Variants in ALDH5A1 observed in about 807,000 individuals in gnomAD.
ALDH5A1 encodes aldehyde dehydrogenase 5 family member A1, also known as succinate-semialdehyde dehydrogenase, mitochondrial.
A neutral mutation model predicts 54.7 loss-of-function variants in ALDH5A1; 33 were observed. The ratio of observed to expected loss-of-function variants is 0.60; its 90% CI spans 0.46 to 0.81. The LOEUF (loss-of-function observed/expected upper bound fraction) is 0.81. Ranked by LOEUF, ALDH5A1 falls within the 30% of genes least tolerant of loss-of-function variation. The pLI, the probability that ALDH5A1 is intolerant of heterozygous loss-of-function variation, is 0.00. For missense variants in ALDH5A1, 657 were observed against 711.0 expected (o/e 0.92, Z 0.86); for synonymous variants, 294 against 292.7 (o/e 1.00, Z -0.05).
chr6:24,503,436 A>C lies in ALDH5A1; in HGVS notation c.609+3A>C. 6.2e-7 allele frequency: 1 copy of C among 1,611,538 alleles called. No individual in the cohort carries two copies. Among genetic ancestry groups the C allele is most frequent in the South Asian group, 1.1e-5 (1 of 91,074 alleles). On this transcript the variant is annotated splice_donor_region_variant and intron_variant, in intron 3 of 9. Transcript: ENST00000357578. The stretch of plus-strand genomic sequence containing the variant: ...GCGTGGCTGCAGTCATCACCCCGGT[A>C]GGTGACAGGATCAGCAAGATCCTAG...
At chr6:24,496,524 G>A (rs1292389653) in intron 1 of ALDH5A1, among the ~76,000 whole-genome samples, 5 of 152,174 alleles carry the variant, frequency 3.3e-5, no homozygotes, top group Non-Finnish European at 5.9e-5. Flanking sequence ...CCGCTCTGGA[G>A]GGTAGAAATC....
At position 24,522,846 on chromosome 6, in the gene ALDH5A1, A is replaced by G. The variant is rs1324496770; in HGVS notation, c.1094A>G (p.Lys365Arg). Reference sequence around the variant, plus strand: ...GTAAAAGCATTCGCCGAGGCCATGAAGAAGAACCTGCGCGTAGGTAATGGA... The same window carrying G: ...GTAAAAGCATTCGCCGAGGCCATGAGGAAGAACCTGCGCGTAGGTAATGGA... ...AFVKAFAEAM[K>R]KNLRVGNGFE... The change falls in exon 7 of 10, where the codon AAG becomes AGG. Residue 365 changes from lysine (K) to arginine (R), a missense_variant. Lys to Arg is a conservative substitution (Grantham distance 26). This residue lies in a region of ALDH5A1 where 425 missense variants were observed against 516.4 expected (regional missense o/e 0.82). Coordinates refer to ENST00000357578, the MANE Select transcript of ALDH5A1 (RefSeq NM_001080.3). 4 of 1,614,062 alleles carry G rather than the reference A, an allele frequency of 2.5e-6. No individual in the cohort carries two copies. Among genetic ancestry groups the G allele is most frequent in the Admixed American group, 3.3e-5 (2 of 60,000 alleles).
intron 7 of ALDH5A1, among the ~76,000 whole-genome samples, chr6:24,526,582 G>A (rs1759800255): frequency 6.6e-6 from 1 of 151,768 alleles, no homozygotes; most frequent in South Asian, 2.1e-4. Context: ...AGATCTTATG[G>A]AGTTTAAAGC....
Position 24,504,918 on chromosome 6 carries a change from C to A in ALDH5A1, c.659C>A (p.Ala220Glu). The change falls in exon 4 of 10, where the codon GCA becomes GAA. Residue 220 changes from alanine (A) to glutamate (E), a missense_variant. Physicochemically the swap from Ala to Glu is moderately radical, Grantham distance 107. Around this residue, in one of 2 missense-constraint regions of ALDH5A1, gnomAD observed 425 missense variants for 516.4 expected, o/e 0.82. Transcript: ENST00000357578. ...ACCCGGAAGGTGGGGGCCGCCCTGGCAGCCGGCTGTACTGTCGTGGTGAAG... is the reference window on the plus strand; with the variant it reads ...ACCCGGAAGGTGGGGGCCGCCCTGGAAGCCGGCTGTACTGTCGTGGTGAAG... ...MITRKVGAAL[A>E]AGCTVVVKPA... 1 of 1,614,250 alleles carries A rather than the reference C, an allele frequency of 6.2e-7. No homozygotes were observed. Among genetic ancestry groups the A allele is most frequent in the Non-Finnish European group, 8.5e-7 (1 of 1,180,048 alleles).
intron 2 of ALDH5A1, among the ~76,000 whole-genome samples, 198 bp from the exon 3 acceptor site, chr6:24,503,065 T>C (rs1759237561): frequency 6.6e-6 from 1 of 152,216 alleles, no homozygotes; most frequent in African/African-American, 2.4e-5. Flanking sequence ...ATGCAATGAC[T>C]TGTGGTTTAG....
intron 4 of ALDH5A1, among the ~76,000 whole-genome samples, chr6:24,511,078 T>C (rs1759448919): frequency 2.0e-5 from 3 of 152,220 alleles, no homozygotes; most frequent in South Asian, 4.1e-4. Flanking sequence ...TCTTCATAAA[T>C]GCAGCTTAGT....
intron 4 of ALDH5A1, among the ~76,000 whole-genome samples, chr6:24,512,191 G>T (rs1246801242): frequency 2.6e-5 from 4 of 152,172 alleles, no homozygotes; most frequent in Non-Finnish European, 5.9e-5. Flanking sequence ...ACCATCTGTG[G>T]GTCTCTCAGC....
chr6:24,533,456 G>A (rs1299650468), intron 9 of ALDH5A1, 51 bp from the exon 10 acceptor site: 7 of 1,588,916 alleles, frequency 4.4e-6, no homozygotes. Flanking sequence ...TAGGCATGAT[G>A]TCTTTAATGA....
intron 1 of ALDH5A1, among the ~76,000 whole-genome samples, chr6:24,501,917 G>A (rs866458681): frequency 1.8e-5 from 2 of 108,328 alleles, no homozygotes; most frequent in African/African-American, 7.8e-5. Context: ...GTGTGTGGGT[G>A]TATATATATA....
intron 7 of ALDH5A1, among the ~76,000 whole-genome samples, chr6:24,527,220 C>T (rs1029284993): frequency 2.0e-5 from 3 of 151,950 alleles, no homozygotes; most frequent in South Asian, 2.1e-4. Context: ...GAGTACAAAA[C>T]ACCAGAAACT....
intron 5 of ALDH5A1, among the ~76,000 whole-genome samples, chr6:24,516,773 A>G (rs1759583486): frequency 1.3e-5 from 2 of 151,958 alleles, no homozygotes; most frequent in Non-Finnish European, 2.9e-5. Context: ...AAAAAAAAAA[A>G]TTAGCTGGGC....
intron 7 of ALDH5A1, among the ~76,000 whole-genome samples, chr6:24,525,855 T>C (rs1428763462): frequency 6.6e-6 from 1 of 151,916 alleles, no homozygotes; most frequent in Non-Finnish European, 1.5e-5. Flanking sequence ...TGATTCTACT[T>C]CTGCACAATT....
rs573291849 is a variant in ALDH5A1 at position 24,510,698 on chromosome 6, A to G, written c.727-4469A>G. Among the ~76,000 whole-genome samples, 16 of 152,126 alleles carry G rather than the reference A, an allele frequency of 1.1e-4. No homozygotes were observed. The East Asian group carries it at 3.1e-3, about 29-fold the overall frequency. ...TTACCTTAAGTTTCTGTGAGTCCTT[A>G]TGTATTAGGTGGGTCTCTTAAAGGC... On this transcript the variant is annotated intron_variant, in intron 4 of 9. Coordinates refer to ENST00000357578, the MANE Select transcript of ALDH5A1 (RefSeq NM_001080.3).
At chr6:24,500,755 T>G (rs113140723) in intron 1 of ALDH5A1, among the ~76,000 whole-genome samples, 6 of 151,874 alleles carry the variant, frequency 4.0e-5, no homozygotes, top group Non-Finnish European at 8.8e-5. Context: ...AATAGCTGTT[T>G]CCACAAAACT....
intron 7 of ALDH5A1, 25 bp downstream of exon 7, chr6:24,522,950 A>G: frequency 1.2e-6 from 2 of 1,605,540 alleles, no homozygotes; most frequent in Non-Finnish European, 1.7e-6. Flanking sequence ...TTATTTGTGA[A>G]AGTAAATTTC....
chr6:24,496,906 A>G (rs897090558), intron 1 of ALDH5A1, among the ~76,000 whole-genome samples: 2 of 152,046 alleles, frequency 1.3e-5, no homozygotes, highest in East Asian at 1.9e-4. Flanking sequence ...CGACATGTCA[A>G]TTTTGCCAGG....
In ALDH5A1 at chr6:24,510,870, G is replaced by GGTTTTGTTTT. The variant is rs576072557; in HGVS notation, c.727-4286_727-4277dup. 6.2e-4 allele frequency among the ~76,000 whole-genome samples: 94 copies of GGTTTTGTTTT among 151,570 alleles called. 1 individual carries two copies. The highest frequency in any genetic ancestry group is 2.2e-3 in the African/African-American group (90 of 41,446). ...GCTATTTGTTGCCTGAATACTTTTG[G>GGTTTTGTTTT]GTTTTGTTTTGTTTTGTTTTTTAAT... On this transcript the variant is annotated intron_variant, in intron 4 of 9. Transcript: ENST00000357578.
chr6:24,520,687 C>T (rs1759666448), intron 6 of ALDH5A1, 143 bp downstream of exon 6: 5 of 1,256,266 alleles, frequency 4.0e-6, no homozygotes, highest in Admixed American at 2.0e-5. Context: ...ACCTCTACTG[C>T]CTTATATCCC....
chr6:24,512,312 G>A (rs908296375), intron 4 of ALDH5A1, among the ~76,000 whole-genome samples: 4 of 152,186 alleles, frequency 2.6e-5, no homozygotes, highest in African/African-American at 9.7e-5. Flanking sequence ...TCCTGCAGTC[G>A]TTCTGGAGCA....
Sources: gnomAD v4.1 joint callset for allele counts (sites outside exome capture counted in the v4.1 genomes callset) on GRCh38, gnomAD v4.1.1 for gene constraint, gnomAD v4.1.1 regional missense constraint, MANE v1.5 for transcripts, NCBI Gene and HGNC (gene_info 2026-07-23, HGNC 2026-07-21) for gene names.